The following TTF1 variants were observed in gnomAD, a reference collection of about 807,000 sequenced individuals.
TTF1 encodes the protein transcription termination factor 1, also known as transcription termination factor, RNA polymerase I.
Under a neutral mutation model 80.2 loss-of-function variants are expected in TTF1, and 64 were observed. The ratio of observed to expected loss-of-function variants is 0.80; its 90% CI spans 0.65 to 0.98. The LOEUF is 0.98. Ranked by LOEUF, TTF1 falls within the 50% of genes least tolerant of loss-of-function variation. TTF1 has a pLI of 0.00. For missense variants in TTF1, 1,023 were observed against 1,086.2 expected (o/e 0.94, Z 0.82); for synonymous variants, 372 against 382.7 (o/e 0.97, Z 0.33).
chr9:132,386,616 T>A lies in TTF1; in HGVS notation c.2318A>T (p.Tyr773Phe). 1 of 1,610,600 alleles carries A rather than the reference T, an allele frequency of 6.2e-7. No individual in the cohort carries two copies. The highest frequency in any genetic ancestry group is 8.5e-7 in the Non-Finnish European group (1 of 1,177,466). ...ATTAGTATCTTCCACATTTATTTCA[T>A]ACAACCTGTGAGAAAAAATAAAAAT... ...RAKVSLIERLYEINVEDTNEI... is the reference protein window; with the variant it reads ...RAKVSLIERLFEINVEDTNEI... The change falls in exon 9 of 11, where the codon TAT (tyrosine) becomes TTT (phenylalanine). Residue 773 changes from tyrosine to phenylalanine, a missense_variant. By Grantham distance (22) the Tyr-to-Phe change is conservative. Transcript: ENST00000334270.
intron 10 of TTF1, among the ~76,000 whole-genome samples, chr9:132,377,819 G>C (rs1436196663): frequency 1.9e-4 from 26 of 140,238 alleles, no homozygotes; most frequent in Non-Finnish European, 3.2e-4. Context: ...GTGAGTGCAT[G>C]TGGTGTGTGT....
chr9:132,402,553 C>T lies in TTF1; in HGVS notation c.269G>A (p.Arg90Lys). ...CTCGTCCACCTCCAAAGCACTATAT[C>T]TTCTCTTTTTTCTCTTTTTGAGTGT... ...TSTLKKRKKRRYSALEVDEEA... is the reference protein window; with the variant it reads ...TSTLKKRKKRKYSALEVDEEA... The change falls in exon 2 of 11, where the codon AGA becomes AAA. Residue 90 changes from arginine (R) to lysine (K), a missense_variant. By Grantham distance (26) the Arg-to-Lys change is conservative (BLOSUM62 2). Transcript: ENST00000334270. The T allele has an allele frequency of 6.2e-7, 1 of 1,614,204 alleles. No homozygotes were observed. Among genetic ancestry groups the T allele is most frequent in the East Asian group, 2.2e-5 (1 of 44,886 alleles).
intron 4 of TTF1, 77 bp from the exon 5 acceptor site, chr9:132,396,588 CT>C: frequency 8.4e-7 from 1 of 1,190,472 alleles, no homozygotes; most frequent in Non-Finnish European, 1.3e-6. Flanking sequence ...CAGAACAGCC[CT>C]TATAACAACA....
At chr9:132,380,233 C>A (rs1442770343) in intron 9 of TTF1, among the ~76,000 whole-genome samples, 1 of 152,066 alleles carries the variant, frequency 6.6e-6, no homozygotes, top group Non-Finnish European at 1.5e-5. Context: ...CCACGCCCAG[C>A]TAAATTTTTG....
At chr9:132,391,786 G>A (rs1182918134) in intron 6 of TTF1, among the ~76,000 whole-genome samples, 1 of 152,136 alleles carries the variant, frequency 6.6e-6, no homozygotes, top group African/African-American at 2.4e-5. Context: ...GTGACCCTCC[G>A]CCCAGGCTCT....
At chr9:132,406,460 G>A (rs1260051261) in intron 1 of TTF1, among the ~76,000 whole-genome samples, 1 of 152,116 alleles carries the variant, frequency 6.6e-6, no homozygotes, top group East Asian at 1.9e-4. Context: ...AAATTAGCTA[G>A]GCTTGGTGGC....
intron 10 of TTF1, among the ~76,000 whole-genome samples, chr9:132,378,668 A>G (rs1316102664): frequency 1.8e-5 from 1 of 54,908 alleles, no homozygotes; most frequent in African/African-American, 9.7e-5. Flanking sequence ...TACGTGTGTG[A>G]GTGCATGCAT....
intron 5 of TTF1, among the ~76,000 whole-genome samples, chr9:132,392,529 T>C (rs943982715): frequency 6.6e-6 from 1 of 152,162 alleles, no homozygotes; most frequent in African/African-American, 2.4e-5. Context: ...TGCTCGCCAG[T>C]GCCGTTTAAA....
Position 132,384,862 on chromosome 9 carries a change from G to T in TTF1, c.2378+1694C>A, listed in dbSNP as rs1430815885. 6.6e-6 allele frequency among the ~76,000 whole-genome samples: 1 copy of T among 152,104 alleles called. No homozygotes were observed. Among genetic ancestry groups the T allele is most frequent in the East Asian group, 1.9e-4 (1 of 5,188 alleles). ...GTAGAGACGGAGTTGAACCATGTTG[G>T]CCAGGCTGGTCTTGAACTCCTGACC... On this transcript the variant is annotated intron_variant, in intron 9 of 10. Coordinates refer to ENST00000334270, the MANE Select transcript of TTF1 (RefSeq NM_007344.4). This position sits in a 1 kb window ranked among gnomAD's most constrained non-coding sequence, Gnocchi z 4.1.
chr9:132,391,253 G>A (rs1292952255), intron 6 of TTF1, among the ~76,000 whole-genome samples: 1 of 152,150 alleles, frequency 6.6e-6, no homozygotes, highest in East Asian at 1.9e-4. Flanking sequence ...TACCAACACA[G>A]TACTTGATGA....
rs769039348 is a variant in TTF1, at chr9:132,402,354, T to C, written c.468A>G (p.Ser156=). ...CCCTAACTTTACTGTGCAGGGCTTC[T>C]GATTTATGTGCATGTGACTTAGCAA... ...QVLAKSHAHK[S]EALHSKVREK... The change falls in exon 2 of 11, where the codon TCA becomes TCG. Residue 156 remains serine (S), a synonymous_variant. Coordinates refer to ENST00000334270, the MANE Select transcript of TTF1 (RefSeq NM_007344.4). 6.2e-7 allele frequency: 1 copy of C among 1,614,092 alleles called. No homozygotes were observed. The highest frequency in any genetic ancestry group is 8.5e-7 in the Non-Finnish European group (1 of 1,180,042).
In TTF1 at chr9:132,403,592, C is replaced by G. The variant is rs141242583; in HGVS notation, c.-7-764G>C. ...TTTTCCCTGATTCCTTGGGCTTGGC[C>G]TGATTCCCAAGTAATATACTTTCAT... On this transcript the variant is annotated intron_variant, in intron 1 of 10. Transcript: ENST00000334270. Among the ~76,000 whole-genome samples, 895 of 151,968 alleles carry G rather than the reference C, an allele frequency of 5.9e-3. 14 individuals are homozygous for G. The highest frequency in any genetic ancestry group is 0.021 in the African/African-American group (854 of 41,400).
In TTF1 at chr9:132,390,688, T is replaced by C. The variant is rs199597483; in HGVS notation, c.2131A>G (p.Ile711Val). Residue 711 changes from isoleucine (I) to valine (V), a missense_variant, in exon 7 of 11, where the codon ATT (isoleucine) becomes GTT (valine). Transcript: ENST00000334270. ...LQENPESCLSIVREKLYKGIS... is the reference protein window; with the variant it reads ...LQENPESCLSVVREKLYKGIS... ...CCCTTGTAGAGTTTTTCCCGAACAA[T>C]TGATAGGCAACTTTCAGGATTTTCT... 4.3e-5 allele frequency: 70 copies of C among 1,614,132 alleles called. No homozygotes were observed. Among genetic ancestry groups the C allele is most frequent in the Non-Finnish European group, 5.3e-5 (62 of 1,180,050 alleles).
rs1215622573 is a variant in TTF1 at position 132,384,804 on chromosome 9, C to A, written c.2378+1752G>T. Among the ~76,000 whole-genome samples, 1 of 152,096 alleles carries A rather than the reference C, an allele frequency of 6.6e-6. No individual in the cohort carries two copies. Among genetic ancestry groups the A allele is most frequent in the Non-Finnish European group, 1.5e-5 (1 of 68,016 alleles). ...CCTGAGTAGCTGGGACTACAGGCAC[C>A]TGCCATCATGCCTGGCTAATTTTTG... On this transcript the variant is annotated intron_variant, in intron 9 of 10. Transcript: ENST00000334270. This position sits in a 1 kb window ranked among gnomAD's most constrained non-coding sequence, Gnocchi z 4.1.
intron 1 of TTF1, among the ~76,000 whole-genome samples, chr9:132,404,407 C>A (rs747569602): frequency 3.3e-5 from 5 of 152,076 alleles, no homozygotes; most frequent in African/African-American, 4.8e-5. Flanking sequence ...TGTCTCGCTG[C>A]AACAAAGGAA....
At chr9:132,399,412 T>C (rs1242683618) in intron 3 of TTF1, among the ~76,000 whole-genome samples, 1 of 152,080 alleles carries the variant, frequency 6.6e-6, no homozygotes, top group Admixed American at 6.6e-5. Context: ...TTTTACTTTT[T>C]TCAATGACCA....
chr9:132,395,428 G>A (rs1849630672), intron 5 of TTF1, among the ~76,000 whole-genome samples: 1 of 152,006 alleles, frequency 6.6e-6, no homozygotes, highest in African/African-American at 2.4e-5. Flanking sequence ...GTGTGTCACA[G>A]GTGGAAATAT....
At chr9:132,390,222 T>C (rs1849536333) in intron 7 of TTF1, among the ~76,000 whole-genome samples, 1 of 152,142 alleles carries the variant, frequency 6.6e-6, no homozygotes, top group African/African-American at 2.4e-5. Flanking sequence ...TCAAGTGATC[T>C]GCCTGCCTCA....
intron 3 of TTF1, 130 bp downstream of exon 3, chr9:132,399,905 G>A: frequency 2.1e-6 from 2 of 958,634 alleles, no homozygotes; most frequent in South Asian, 1.6e-5. Context: ...AATTCTGGTA[G>A]GAGATAGAGG....
Sources: allele counts gnomAD v4.1 joint callset (sites outside exome capture counted in the v4.1 genomes callset), GRCh38; gene constraint gnomAD v4.1.1; non-coding constraint Gnocchi (gnomAD v3.1); transcripts MANE v1.5; gene names NCBI Gene and HGNC (gene_info 2026-07-23, HGNC 2026-07-21).